The following PDE8B variants were observed in gnomAD, a reference collection of about 807,000 sequenced individuals.
PDE8B encodes phosphodiesterase 8B.
PDE8B carries 26 observed loss-of-function variants against 101.3 expected under a neutral mutation model. The observed-to-expected ratio is 0.26, with a 90% CI of 0.19 to 0.36. The LOEUF (loss-of-function observed/expected upper bound fraction) is 0.36, where lower values mean the gene tolerates loss of function less well. Among genes scored for constraint, PDE8B ranks in the 10% least tolerant of loss-of-function variants. The probability of loss-of-function intolerance (pLI) is 1.00; values close to 1 mark genes in which losing one functional copy is unlikely to be tolerated. For missense variants in PDE8B, 810 were observed against 1,163.1 expected (o/e 0.70, Z 4.42); for synonymous variants, 424 against 429.3 (o/e 0.99, Z 0.15).
chr5:77,210,592 G>C (rs1045013768), upstream of PDE8B: 4 of 977,924 alleles, frequency 4.1e-6, no homozygotes, highest in Non-Finnish European at 4.9e-6. This position sits in a 1 kb window ranked among gnomAD's most constrained non-coding sequence, Gnocchi z 4.9. Flanking sequence ...GGGCCGCGCC[G>C]AGGGAGGAGG....
intron 10 of PDE8B, among the ~76,000 whole-genome samples, chr5:77,375,889 C>CTTTTTTTTTTTTTTTTTTTTT (rs70988668): frequency 9.2e-6 from 1 of 108,316 alleles, no homozygotes; most frequent in Non-Finnish European, 1.8e-5. Flanking sequence ...GCCTTGATTT[C>CTTTTTTTTTTTTTTTTTTTTT]TTTTTTTTTT....
chr5:77,102,719 A>G, the PDE8B span, among the ~76,000 whole-genome samples: 1 of 151,568 alleles, frequency 6.6e-6, no homozygotes, highest in South Asian at 2.1e-4. Context: ...TGGCTGGGGA[A>G]ACAATCTGGT....
intron 1 of PDE8B, among the ~76,000 whole-genome samples, chr5:77,253,139 T>A (rs1026059742): frequency 6.6e-6 from 1 of 152,170 alleles, no homozygotes; most frequent in Non-Finnish European, 1.5e-5. Flanking sequence ...ATATCAGGTG[T>A]TCCTCTGAGG....
chr5:77,091,547 C>T, the PDE8B span, among the ~76,000 whole-genome samples: 33,765 of 151,908 alleles, frequency 0.22, 4,383 homozygotes, highest in Admixed American at 0.34. Flanking sequence ...GAGCCTGAGG[C>T]GGGAGAATTG....
intron 18 of PDE8B, among the ~76,000 whole-genome samples, chr5:77,418,937 A>C (rs1457332301): frequency 6.6e-6 from 1 of 152,168 alleles, no homozygotes; most frequent in Admixed American, 6.5e-5. Context: ...AGCACCTTGC[A>C]GTCAGGCTTG....
chr5:77,143,968 G>A, the PDE8B span: 1 of 149,916 alleles, frequency 6.7e-6, no homozygotes, highest in East Asian at 2.0e-4. Context: ...GGGAAACTAA[G>A]TTCGGTCCAA....
chr5:77,294,316 C>T (rs1248216201), intron 1 of PDE8B, among the ~76,000 whole-genome samples: 1 of 152,146 alleles, frequency 6.6e-6, no homozygotes, highest in Non-Finnish European at 1.5e-5. Flanking sequence ...CTGGGGATCC[C>T]AGGGCTGGGG....
At chr5:77,236,483 A>G (rs1410142722) in intron 1 of PDE8B, among the ~76,000 whole-genome samples, 1 of 152,226 alleles carries the variant, frequency 6.6e-6, no homozygotes, top group African/African-American at 2.4e-5. Context: ...GAAGAAGTGT[A>G]GTGACTTTCA....
intron 13 of PDE8B, among the ~76,000 whole-genome samples, chr5:77,407,779 C>T (rs1014794719): frequency 6.6e-6 from 1 of 152,016 alleles, no homozygotes. Context: ...GAGAAGACTC[C>T]GGGTAGCAGG....
At chr5:77,317,610 A>G (rs146924803) in intron 2 of PDE8B, among the ~76,000 whole-genome samples, 1 of 152,348 alleles carries the variant, frequency 6.6e-6, no homozygotes, top group African/African-American at 2.4e-5. Flanking sequence ...TTGGCTAGAA[A>G]ATAAAAAGCA....
At chr5:77,236,859 A>C (rs1754800941) in intron 1 of PDE8B, among the ~76,000 whole-genome samples, 1 of 152,142 alleles carries the variant, frequency 6.6e-6, no homozygotes, top group Non-Finnish European at 1.5e-5. Context: ...TCTGTCTAAT[A>C]GTTCTATTAA....
chr5:77,102,092 A>G, the PDE8B span, among the ~76,000 whole-genome samples: 1 of 152,192 alleles, frequency 6.6e-6, no homozygotes, highest in East Asian at 1.9e-4. Context: ...GCTCTTCCCT[A>G]AGTCCACCCT....
intron 1 of PDE8B, among the ~76,000 whole-genome samples, chr5:77,235,928 A>G (rs1454212230): frequency 6.6e-6 from 1 of 152,176 alleles, no homozygotes; most frequent in Non-Finnish European, 1.5e-5. Flanking sequence ...AATTATCCCC[A>G]TTTAAAAGAT....
At chr5:77,312,691 G>A (rs894556188) in intron 2 of PDE8B, among the ~76,000 whole-genome samples, 1 of 152,242 alleles carries the variant, frequency 6.6e-6, no homozygotes, top group African/African-American at 2.4e-5. Context: ...GCAAAATGGA[G>A]ATGATTATGC....
intron 10 of PDE8B, among the ~76,000 whole-genome samples, chr5:77,378,936 G>A (rs1228106850): frequency 2.0e-5 from 3 of 152,190 alleles, no homozygotes; most frequent in Non-Finnish European, 2.9e-5. Context: ...GAAGTGTGGT[G>A]GTTCTTACAT....
At chr5:77,331,175 C>G (rs780069733) in intron 4 of PDE8B, among the ~76,000 whole-genome samples, 6 of 152,186 alleles carry the variant, frequency 3.9e-5, no homozygotes, top group Non-Finnish European at 7.3e-5. Flanking sequence ...GGTGATACCT[C>G]CAGGTACACT....
the PDE8B span, among the ~76,000 whole-genome samples, chr5:77,199,889 T>C: frequency 2.6e-5 from 4 of 152,324 alleles, no homozygotes; most frequent in South Asian, 6.2e-4. Context: ...TAATTGTATC[T>C]GTTTTGTGTA....
Position 77,250,292 on chromosome 5 carries a change from C to T in PDE8B, c.339+39028C>T, listed in dbSNP as rs543199568. On this transcript the variant is annotated intron_variant, in intron 1 of 21. Coordinates refer to ENST00000264917, the MANE Select transcript of PDE8B (RefSeq NM_003719.5). ...TTCTTCAAGCTTTTTCTCTTTGGAA[C>T]TTGGGGATTGAAACAAGATCAGATG... Among the ~76,000 whole-genome samples the T allele has an allele frequency of 2.0e-5, 3 of 152,232 alleles. No individual in the cohort carries two copies. In the East Asian group the frequency reaches 5.8e-4, roughly 29 times the overall value.
intron 6 of PDE8B, among the ~76,000 whole-genome samples, chr5:77,339,649 T>C (rs1561549446): frequency 6.6e-6 from 1 of 152,164 alleles, no homozygotes; most frequent in Non-Finnish European, 1.5e-5. Flanking sequence ...AGGCTCTTTA[T>C]TATACAATGC....
Sources: gnomAD v4.1 joint callset for allele counts (sites outside exome capture counted in the v4.1 genomes callset) on GRCh38, gnomAD v4.1.1 for gene constraint, Gnocchi (gnomAD v3.1) non-coding constraint, MANE v1.5 for transcripts, NCBI Gene and HGNC (gene_info 2026-07-23, HGNC 2026-07-21) for gene names.